Variants in BTBD2 observed in about 807,000 individuals in gnomAD.
The protein encoded by BTBD2 is BTB domain containing 2.
BTBD2 carries 15 observed loss-of-function variants against 44.0 expected under a neutral mutation model. The observed-to-expected ratio is 0.34, with a 90% CI of 0.23 to 0.53. The LOEUF is 0.53. Ranked by LOEUF, BTBD2 falls within the 20% of genes least tolerant of loss-of-function variation. The pLI is 0.95. For missense variants in BTBD2, 657 were observed against 746.4 expected (o/e 0.88, Z 1.39); for synonymous variants, 443 against 335.9 (o/e 1.32, Z -3.49).
At chr19:2,000,672 C>T (rs1187600031) in intron 1 of BTBD2, among the ~76,000 whole-genome samples, 1 of 152,172 alleles carries the variant, frequency 6.6e-6, no homozygotes, top group African/African-American at 2.4e-5. Flanking sequence ...CTGTTCCCCC[C>T]TTCATGTATC....
chr19:1,989,931 ATCC>A lies in BTBD2; in HGVS notation c.988+70_988+72del, dbSNP rs1371484004. On this transcript the variant is annotated intron_variant, in intron 5 of 8. Coordinates refer to ENST00000255608, the MANE Select transcript of BTBD2 (RefSeq NM_017797.4). ...TTTCCGCAGTGAACTCGGGGGCACT[ATCC>A]TCGGTACCCAGATGCCCACCTGTGT... 47 of 1,539,880 alleles carry A rather than the reference ATCC, an allele frequency of 3.1e-5. No individual in the cohort carries two copies. In the African/African-American group the frequency reaches 3.1e-4, roughly 10 times the overall value.
At position 1,993,753 on chromosome 19, in the gene BTBD2, T is replaced by A. The variant is rs570282134; in HGVS notation, c.528-577A>T. Among the ~76,000 whole-genome samples, 22 of 151,998 alleles carry A rather than the reference T, an allele frequency of 1.4e-4. No homozygotes were observed. The South Asian group carries it at 3.3e-3, about 23-fold the overall frequency. The stretch of plus-strand genomic sequence containing the variant: ...GTTCACGCCTGTAACCCCAGCACTT[T>A]GGGAGGCTGAGGCGGGCAGATCGCC... On this transcript the variant is annotated intron_variant, in intron 2 of 8. Transcript: ENST00000255608.
At chr19:2,004,176 T>C (rs1302472807) in intron 1 of BTBD2, among the ~76,000 whole-genome samples, 4 of 143,324 alleles carry the variant, frequency 2.8e-5, no homozygotes, top group African/African-American at 1.1e-4. Context: ...TGATGTCTCA[T>C]GTCCCCTAAC....
Position 1,986,457 on chromosome 19 carries a change from C to CGGAG in BTBD2, c.*27_*30dup, listed in dbSNP as rs2016083345. On this transcript the variant is annotated 3_prime_UTR_variant, in exon 9 of 9. Transcript: ENST00000255608. ...TGGCCTGGGGCTGCGGCTATCCCCA[C>CGGAG]GGAGGGAGGGCGGTGTCGGTGTCGG... is the stretch of plus-strand genomic sequence containing the variant. The CGGAG allele has an allele frequency of 6.2e-7, 1 of 1,608,526 alleles. No individual in the cohort carries two copies.
rs59464609 is a variant in BTBD2 at position 2,008,008 on chromosome 19, C to CTTT, written c.407+7286_407+7288dup. 3.8e-3 allele frequency among the ~76,000 whole-genome samples: 537 copies of CTTT among 143,006 alleles called. 3 individuals are homozygous for CTTT. Among genetic ancestry groups the CTTT allele is most frequent in the African/African-American group, 0.013 (494 of 39,164 alleles). 93.8% of individuals were successfully genotyped at this position (143,006 alleles called of 152,430 possible). ...AATGTGTCAGACCAGCTGAGAAAGT[C>CTTT]TTTTTTTTTTTTTGAGACAGAATTT... On this transcript the variant is annotated intron_variant, in intron 1 of 8. Coordinates refer to ENST00000255608, the MANE Select transcript of BTBD2 (RefSeq NM_017797.4).
chr19:2,001,634 T>C (rs2016331779), intron 1 of BTBD2, among the ~76,000 whole-genome samples: 1 of 152,234 alleles, frequency 6.6e-6, no homozygotes, highest in Admixed American at 6.5e-5. Flanking sequence ...GGTGACTTTA[T>C]CCACGTGCCA....
chr19:1,993,539 T>A (rs2016209847), intron 2 of BTBD2, among the ~76,000 whole-genome samples: 2 of 152,240 alleles, frequency 1.3e-5, no homozygotes, highest in South Asian at 4.2e-4. Context: ...GAGGAACTGT[T>A]GGTTCCCCAC....
intron 4 of BTBD2, 75 bp downstream of exon 4, chr19:1,990,642 C>A: frequency 7.3e-7 from 1 of 1,366,614 alleles, no homozygotes; most frequent in Non-Finnish European, 1.0e-6. Context: ...AGGCCCAAAG[C>A]TCCCACTGTC....
chr19:1,997,413 C>A lies in BTBD2; in HGVS notation c.458G>T (p.Gly153Val). 4 of 1,614,158 alleles carry A rather than the reference C, an allele frequency of 2.5e-6. No individual in the cohort carries two copies. The highest frequency in any genetic ancestry group is 3.4e-6 in the Non-Finnish European group (4 of 1,180,028). ...SAVFDAMFNGGMATTSTEIEL... is the reference protein window; with the variant it reads ...SAVFDAMFNGVMATTSTEIEL... Reference sequence around the variant, plus strand: ...AATCTCCGTGGATGTTGTGGCCATTCCCCCGTTGAACATGGCATCAAAGAC... The same window carrying A: ...AATCTCCGTGGATGTTGTGGCCATTACCCCGTTGAACATGGCATCAAAGAC... The change falls in exon 2 of 9, where the codon GGA becomes GTA. Residue 153 changes from glycine to valine, a missense_variant. Gly to Val is a moderately radical substitution (Grantham distance 109). Coordinates refer to ENST00000255608, the MANE Select transcript of BTBD2 (RefSeq NM_017797.4).
rs757263698 is a variant in BTBD2, at chr19:1,986,167, C to T, written c.*321G>A. 1.1e-4 allele frequency: 39 copies of T among 359,258 alleles called. No homozygotes were observed. Among genetic ancestry groups the T allele is most frequent in the Non-Finnish European group, 1.7e-4 (34 of 194,626 alleles). 22.3% of individuals were successfully genotyped at this position (359,258 alleles called of 1,614,324 possible). On this transcript the variant is annotated 3_prime_UTR_variant, in exon 9 of 9. Coordinates refer to ENST00000255608, the MANE Select transcript of BTBD2 (RefSeq NM_017797.4). ...ACGCCCGCGGCGCACCGCCGGCAGA[C>T]GACGTGGGCAGGCGCCCTGAGCTGC...
intron 2 of BTBD2, among the ~76,000 whole-genome samples, chr19:1,994,690 C>G (rs185029853): frequency 1.3e-5 from 2 of 152,230 alleles, no homozygotes; most frequent in East Asian, 3.9e-4. Flanking sequence ...ACCCGGGAGG[C>G]AGAGGTTGCA....
chr19:2,004,769 A>G (rs1294318272), intron 1 of BTBD2, among the ~76,000 whole-genome samples: 1 of 150,914 alleles, frequency 6.6e-6, no homozygotes, highest in African/African-American at 2.4e-5. Flanking sequence ...ACTTGAGCCC[A>G]GGAGTTTGAG....
intron 1 of BTBD2, chr19:2,013,498 G>C: frequency 9.1e-6 from 9 of 986,060 alleles, no homozygotes; most frequent in Non-Finnish European, 1.1e-5. Flanking sequence ...CTGGTGGCAG[G>C]GGATCATAGG....
At chr19:2,005,489 A>C (rs1474508679) in intron 1 of BTBD2, among the ~76,000 whole-genome samples, 1 of 151,946 alleles carries the variant, frequency 6.6e-6, no homozygotes, top group South Asian at 2.1e-4. Flanking sequence ...TAATTTTTAA[A>C]ATTATTTTTT....
chr19:1,986,513 A>G lies in BTBD2; in HGVS notation c.1553T>C (p.Ile518Thr). ...NNGTSVEDGQ[I>T]PEVIFYT ...CTAGGTGTAGAAGATGACCTCGGGG[A>G]TCTGGCCGTCCTCCACGGATGTGCC... The change falls in exon 9 of 9, where the codon ATC becomes ACC. Residue 518 changes from isoleucine (I) to threonine (T), a missense_variant. By Grantham distance (89) the Ile-to-Thr change is moderately conservative. This residue lies in a region of BTBD2 where 449 missense variants were observed against 510.9 expected (regional missense o/e 0.88). Transcript: ENST00000255608. 6.2e-7 allele frequency: 1 copy of G among 1,613,902 alleles called. No individual in the cohort carries two copies. The highest frequency in any genetic ancestry group is 8.5e-7 in the Non-Finnish European group (1 of 1,179,928).
chr19:1,987,801 T>G, intron 5 of BTBD2, 109 bp from the exon 6 acceptor site: 3 of 1,164,678 alleles, frequency 2.6e-6, no homozygotes, highest in Non-Finnish European at 3.5e-6. Flanking sequence ...ACTTTCAAGG[T>G]GCAGGGACCT....
At chr19:1,993,575 C>T (rs565438030) in intron 2 of BTBD2, among the ~76,000 whole-genome samples, 24 of 152,246 alleles carry the variant, frequency 1.6e-4, no homozygotes, top group African/African-American at 5.8e-4. Flanking sequence ...AAACCTCAAC[C>T]ACTTCTGGGT....
rs1223977918 is a variant in BTBD2 at position 1,987,669 on chromosome 19, C to T, written c.1012G>A (p.Val338Met). The change falls in exon 6 of 9, where the codon GTG becomes ATG. Residue 338 changes from valine (V) to methionine (M), a missense_variant. Physicochemically the swap from Val to Met is conservative, Grantham distance 21. Around this residue, in one of 3 missense-constraint regions of BTBD2, gnomAD observed 449 missense variants for 510.9 expected, o/e 0.88. Coordinates refer to ENST00000255608, the MANE Select transcript of BTBD2 (RefSeq NM_017797.4). ...AAGPAQSGILVDREVVSLFLH... is the reference protein window; with the variant it reads ...AAGPAQSGILMDREVVSLFLH... ...AAGAGGCTGACCACCTCGCGGTCCA[C>T]CAGGATGCCCGACTGTGCGGGACCT... is the stretch of plus-strand genomic sequence containing the variant. The T allele has an allele frequency of 6.2e-7, 1 of 1,606,784 alleles. No individual in the cohort carries two copies. Among genetic ancestry groups the T allele is most frequent in the African/African-American group, 1.3e-5 (1 of 74,966 alleles).
intron 1 of BTBD2, among the ~76,000 whole-genome samples, chr19:1,999,819 G>A (rs1279402249): frequency 1.3e-4 from 19 of 151,478 alleles, no homozygotes; most frequent in African/African-American, 3.9e-4. Flanking sequence ...AAAATTAGCT[G>A]GGCGTGGTGG....
Sources: allele counts gnomAD v4.1 joint callset (sites outside exome capture counted in the v4.1 genomes callset), GRCh38; gene constraint gnomAD v4.1.1; regional missense constraint gnomAD v4.1.1; transcripts MANE v1.5; gene names NCBI Gene and HGNC (gene_info 2026-07-23, HGNC 2026-07-21).